DOCK9: variants seen among roughly 807,000 people sequenced by gnomAD.
DOCK9 encodes the protein dedicator of cytokinesis 9, also known as dedicator of cytokinesis protein 9.
A neutral mutation model predicts 263.3 loss-of-function variants in DOCK9; 89 were observed. The ratio of observed to expected loss-of-function variants is 0.34; its 90% CI spans 0.28 to 0.40. The LOEUF (loss-of-function observed/expected upper bound fraction) is 0.40, where lower values mean the gene tolerates loss of function less well. Ranked by LOEUF, DOCK9 falls within the 10% of genes least tolerant of loss-of-function variation. The probability of loss-of-function intolerance (pLI) is 1.00; values close to 1 mark genes in which losing one functional copy is unlikely to be tolerated. For synonymous variants in DOCK9, 976 were observed against 973.1 expected (o/e 1.00, Z -0.06); for missense variants, 2,140 against 2,603.4 (o/e 0.82, Z 3.87).
chr13:99,026,140 G>A (rs1368894966), intron 1 of DOCK9, among the ~76,000 whole-genome samples: 21 of 150,086 alleles, frequency 1.4e-4, no homozygotes, highest in Admixed American at 1.1e-3. Flanking sequence ...GCAGAGTTCC[G>A]GGGTGATGGC....
intron 2 of DOCK9, among the ~76,000 whole-genome samples, chr13:98,939,470 G>C (rs2055454350): frequency 6.6e-6 from 1 of 152,066 alleles, no homozygotes; most frequent in Non-Finnish European, 1.5e-5. Flanking sequence ...GCTTATTTTT[G>C]TGCTTGTTTT....
At chr13:99,026,821 T>C (rs948426579) in intron 1 of DOCK9, among the ~76,000 whole-genome samples, 4 of 152,194 alleles carry the variant, frequency 2.6e-5, no homozygotes, top group Admixed American at 2.0e-4. Context: ...AGTCTAGTCA[T>C]CTCAACAATG....
At chr13:99,041,415 C>T (rs947154846) in intron 1 of DOCK9, among the ~76,000 whole-genome samples, 2 of 150,686 alleles carry the variant, frequency 1.3e-5, no homozygotes, top group Non-Finnish European at 2.9e-5. Context: ...CCCTGGAGGT[C>T]GAGGCTGCAG....
intron 1 of DOCK9, among the ~76,000 whole-genome samples, chr13:99,024,621 T>C (rs1238395459): frequency 6.6e-6 from 1 of 152,230 alleles, no homozygotes; most frequent in Non-Finnish European, 1.5e-5. Context: ...ACTGTCATTG[T>C]GGCAGTATAG....
chr13:99,041,685 T>C (rs1888475429), intron 1 of DOCK9, among the ~76,000 whole-genome samples: 1 of 152,198 alleles, frequency 6.6e-6, no homozygotes. Flanking sequence ...AATTTGTGAA[T>C]GTGACTTATT....
At chr13:99,036,295 G>T (rs7328241) in intron 1 of DOCK9, among the ~76,000 whole-genome samples, 75,188 of 151,836 alleles carry the variant, frequency 0.5, 18,884 homozygotes, top group East Asian at 0.65. Flanking sequence ...AACTTTGGGA[G>T]GCAATTAAGT....
At chr13:98,994,141 G>A (rs1183818982) in intron 1 of DOCK9, among the ~76,000 whole-genome samples, 2 of 152,200 alleles carry the variant, frequency 1.3e-5, no homozygotes, top group Non-Finnish European at 2.9e-5. Flanking sequence ...CTTTAGAAAA[G>A]TCTACTGCAG....
At chr13:99,066,164 A>C (rs1303092184) in intron 1 of DOCK9, among the ~76,000 whole-genome samples, 1 of 152,222 alleles carries the variant, frequency 6.6e-6, no homozygotes. Context: ...TTAGTACTTT[A>C]GCATGTTTCT....
Position 98,837,616 on chromosome 13 carries a change from G to A in DOCK9, c.4199-7C>T. On this transcript the variant is annotated splice_region_variant and splice_polypyrimidine_tract_variant and intron_variant, in intron 38 of 52. Coordinates refer to ENST00000682017, the MANE Select transcript of DOCK9 (RefSeq NM_001366683.2). ...GCGTCCGAGTGGCCATAGCCTGCATGAATTACAACACAAGATTACTGCCCA... is the reference window on the plus strand; with the variant it reads ...GCGTCCGAGTGGCCATAGCCTGCATAAATTACAACACAAGATTACTGCCCA... 3 of 1,597,572 alleles carry A rather than the reference G, an allele frequency of 1.9e-6. No individual in the cohort carries two copies. Among genetic ancestry groups the A allele is most frequent in the Non-Finnish European group, 2.6e-6 (3 of 1,165,948 alleles).
At chr13:98,987,392 G>A (rs9517526) in intron 1 of DOCK9, among the ~76,000 whole-genome samples, 22,601 of 152,198 alleles carry the variant, frequency 0.15, 2,419 homozygotes, top group East Asian at 0.43. Flanking sequence ...AAAAGACAGC[G>A]AGACGTTTAA....
At chr13:98,905,811 C>A (rs2049003699) in intron 9 of DOCK9, among the ~76,000 whole-genome samples, 1 of 150,548 alleles carries the variant, frequency 6.6e-6, no homozygotes, top group Non-Finnish European at 1.5e-5. Flanking sequence ...GGATTTCATT[C>A]AGAATCTAAA....
At chr13:98,961,633 G>A (rs1034661072) in intron 1 of DOCK9, among the ~76,000 whole-genome samples, 7 of 151,984 alleles carry the variant, frequency 4.6e-5, no homozygotes, top group African/African-American at 1.2e-4. Flanking sequence ...GACAGTCCTC[G>A]GCTTGCTGTG....
intron 27 of DOCK9, among the ~76,000 whole-genome samples, chr13:98,878,462 C>T (rs1278765364): frequency 6.6e-6 from 1 of 152,244 alleles, no homozygotes; most frequent in East Asian, 1.9e-4. Flanking sequence ...TTCATCCAAT[C>T]CACTTTTTTA....
At chr13:98,927,169 G>A (rs537007689) in intron 3 of DOCK9, among the ~76,000 whole-genome samples, 3 of 152,350 alleles carry the variant, frequency 2.0e-5, no homozygotes, top group African/African-American at 7.2e-5. Context: ...AGATTTTGGA[G>A]CTGGCAAACT....
Position 99,047,909 on chromosome 13 carries a change from T to C in DOCK9, c.129+38314A>G, listed in dbSNP as rs192478079. ...CTCAATGTATTGTTCTCCCTCCCTT[T>C]CACTGGCCTTTTACAACTCAATTCC... On this transcript the variant is annotated intron_variant, in intron 1 of 32. Transcript: ENST00000427887. Among the ~76,000 whole-genome samples the C allele has an allele frequency of 7.9e-5, 12 of 151,022 alleles. No individual in the cohort carries two copies. The East Asian group carries it at 2.1e-3, about 27-fold the overall frequency.
At position 98,886,591 on chromosome 13, in the gene DOCK9, T is replaced by C. The variant is rs368709762; in HGVS notation, c.2077A>G (p.Thr693Ala). The change falls in exon 19 of 53, where the codon ACA (threonine) becomes GCA (alanine). Residue 693 changes from threonine to alanine, a missense_variant. Around this residue, in one of 2 missense-constraint regions of DOCK9, gnomAD observed 1,521 missense variants for 1,741.7 expected, o/e 0.87. Coordinates refer to ENST00000682017, the MANE Select transcript of DOCK9 (RefSeq NM_001366683.2). Reference protein sequence around the residue: ...IYGRPGGPVFTRSAFAAVLHH... With the variant: ...IYGRPGGPVFARSAFAAVLHH... ...AAAACTGCAGCAAAGGCGCTTCTTG[T>C]GAAAACTGGCCCACCAGGTCTGCCA... 1.3e-4 allele frequency: 209 copies of C among 1,613,940 alleles called. 2 individuals carry two copies. The South Asian group carries it at 1.7e-3, about 13-fold the overall frequency.
At chr13:98,867,574 G>A (rs1365886758) in intron 29 of DOCK9, 38 bp from the exon 30 acceptor site, 8 of 1,254,572 alleles carry the variant, frequency 6.4e-6, no homozygotes, top group East Asian at 4.6e-5. Context: ...TACCTCACTG[G>A]ATATTTTATA....
intron 2 of DOCK9, among the ~76,000 whole-genome samples, chr13:98,934,928 A>G (rs942474140): frequency 1.3e-5 from 2 of 152,238 alleles, no homozygotes; most frequent in African/African-American, 4.8e-5. Flanking sequence ...GGAGACACAA[A>G]GTTTAATAAA....
intron 45 of DOCK9, among the ~76,000 whole-genome samples, chr13:98,822,448 T>G (rs2092327883): frequency 6.6e-6 from 1 of 152,238 alleles, no homozygotes; most frequent in East Asian, 1.9e-4. Context: ...TAATTGTTCC[T>G]GGCATCGTTG....
Sources: gnomAD v4.1 joint callset for allele counts (sites outside exome capture counted in the v4.1 genomes callset) on GRCh38, gnomAD v4.1.1 for gene constraint, gnomAD v4.1.1 regional missense constraint, MANE v1.5 for transcripts, NCBI Gene and HGNC (gene_info 2026-07-23, HGNC 2026-07-21) for gene names.